Variants in CDH18 observed in about 807,000 individuals in gnomAD.
CDH18 encodes the protein cadherin-18.
A neutral mutation model predicts 67.9 loss-of-function variants in CDH18; 31 were observed. That is an observed-to-expected ratio of 0.46 (90% CI 0.34 to 0.62). CDH18 has a LOEUF of 0.62. Ranked by LOEUF, CDH18 falls within the 20% of genes least tolerant of loss-of-function variation. The pLI, the probability that CDH18 is intolerant of heterozygous loss-of-function variation, is 0.01. For missense variants in CDH18, 890 were observed against 975.5 expected (o/e 0.91, Z 1.17); for synonymous variants, 362 against 347.2 (o/e 1.04, Z -0.48).
rs147992234 is a variant in CDH18 at position 20,184,219 on chromosome 5, G to A, written c.-518+71225C>T. On this transcript the variant is annotated intron_variant, in intron 2 of 14. Transcript: ENST00000507958. ...AGGGCTTTAATAAATATATTTTAAG[G>A]CACAGGCACTGACATCCGAGGTAAA... Among the ~76,000 whole-genome samples the A allele has an allele frequency of 2.0e-5, 3 of 152,030 alleles. No individual in the cohort carries two copies. In the East Asian group the frequency reaches 5.8e-4, roughly 29 times the overall value.
chr5:19,784,573 G>C (rs1337955747), intron 3 of CDH18, among the ~76,000 whole-genome samples: 2 of 151,992 alleles, frequency 1.3e-5, no homozygotes, highest in African/African-American at 2.4e-5. Context: ...TCATTCTTGT[G>C]TACATGTGAT....
At chr5:20,301,183 T>TTTTG (rs890314618) in intron 1 of CDH18, among the ~76,000 whole-genome samples, 3 of 142,678 alleles carry the variant, frequency 2.1e-5, no homozygotes, top group Non-Finnish European at 3.0e-5. Context: ...TTTTTTGTTT[T>TTTTG]TTTGTTTGTT....
At chr5:20,321,472 G>T (rs776349058) in intron 1 of CDH18, among the ~76,000 whole-genome samples, 7 of 151,840 alleles carry the variant, frequency 4.6e-5, no homozygotes, top group African/African-American at 7.3e-5. Flanking sequence ...AAGTCAAGCA[G>T]AAACTTAGGA....
intron 1 of CDH18, among the ~76,000 whole-genome samples, chr5:20,289,088 C>A (rs1746908685): frequency 6.6e-6 from 1 of 151,664 alleles, no homozygotes; most frequent in African/African-American, 2.4e-5. Flanking sequence ...GATTATTGTC[C>A]CAATTAATTA....
intron 2 of CDH18, among the ~76,000 whole-genome samples, chr5:19,997,038 T>G (rs1736073270): frequency 6.6e-6 from 1 of 151,984 alleles, no homozygotes. Flanking sequence ...ATACCATAAA[T>G]TCCATAAGCT....
At chr5:20,209,366 G>T (rs571540976) in intron 2 of CDH18, among the ~76,000 whole-genome samples, 7 of 151,786 alleles carry the variant, frequency 4.6e-5, no homozygotes, top group Non-Finnish European at 8.8e-5. Flanking sequence ...TTTATCAATG[G>T]GGGAATGGAT....
chr5:19,818,437 A>T (rs1779518072), intron 3 of CDH18, among the ~76,000 whole-genome samples: 1 of 152,242 alleles, frequency 6.6e-6, no homozygotes, highest in Non-Finnish European at 1.5e-5. Flanking sequence ...AATGAAAAAT[A>T]GACTAACTAG....
At chr5:19,654,166 CAG>C (rs1375458950) in intron 5 of CDH18, among the ~76,000 whole-genome samples, 2 of 152,094 alleles carry the variant, frequency 1.3e-5, no homozygotes, top group African/African-American at 4.8e-5. Flanking sequence ...AGCCCTGTAA[CAG>C]AGAATTTTAA....
chr5:20,076,743 G>A, intron 2 of CDH18, among the ~76,000 whole-genome samples: 1 of 152,034 alleles, frequency 6.6e-6, no homozygotes. Context: ...TCTGAAAAAG[G>A]TAAATATTTT....
At chr5:20,508,323 TTATATATATATATATATATA>T (rs55885279) in intron 1 of CDH18, among the ~76,000 whole-genome samples, 51,109 of 111,652 alleles carry the variant, frequency 0.46, 11,931 homozygotes, top group Middle Eastern at 0.68. Context: ...ATGACTATGA[TTATATATATATATATATATA>T]TATATATATA....
At chr5:20,154,264 A>C (rs1343623884) in intron 2 of CDH18, among the ~76,000 whole-genome samples, 1 of 152,300 alleles carries the variant, frequency 6.6e-6, no homozygotes, top group East Asian at 1.9e-4. Flanking sequence ...CTTTGTCTTC[A>C]GATGCAAATT....
chr5:19,575,264 G>A (rs1470489591), intron 7 of CDH18, among the ~76,000 whole-genome samples: 1 of 152,146 alleles, frequency 6.6e-6, no homozygotes, highest in African/African-American at 2.4e-5. Context: ...TAGATGTCCT[G>A]TACTTTATTT....
chr5:19,564,182 GTGATGTGCTGGGCTTGGAGCCAGT>G (rs1187070032), intron 8 of CDH18, among the ~76,000 whole-genome samples: 3 of 152,108 alleles, frequency 2.0e-5, no homozygotes, highest in Non-Finnish European at 2.9e-5. Flanking sequence ...GTAAGCCTTG[GTGATGTGCTGGGCTTGGAGCCAGT>G]GGATCTGGAG....
At chr5:19,712,442 G>A (rs1324576036) in intron 5 of CDH18, among the ~76,000 whole-genome samples, 2 of 151,846 alleles carry the variant, frequency 1.3e-5, no homozygotes, top group Admixed American at 1.3e-4. Flanking sequence ...ATGAACAAAA[G>A]GGCTACTGCT....
chr5:20,532,013 G>C (rs1414441323), intron 1 of CDH18, among the ~76,000 whole-genome samples: 1 of 151,992 alleles, frequency 6.6e-6, no homozygotes, highest in African/African-American at 2.4e-5. Context: ...ATGTGTGTAT[G>C]TGTGAATGTA....
chr5:20,003,675 G>A (rs1477944924), intron 2 of CDH18, among the ~76,000 whole-genome samples: 2 of 152,076 alleles, frequency 1.3e-5, no homozygotes, highest in African/African-American at 4.8e-5. Flanking sequence ...TGCGGATCAC[G>A]AGGTCAGGAG....
intron 2 of CDH18, among the ~76,000 whole-genome samples, chr5:20,233,298 T>C (rs1337014060): frequency 1.3e-5 from 2 of 151,510 alleles, no homozygotes; most frequent in Non-Finnish European, 3.0e-5. Context: ...TATTCAGAGG[T>C]TTATGAGTTT....
At chr5:19,523,782 A>G (rs1004930897) in intron 9 of CDH18, among the ~76,000 whole-genome samples, 2 of 152,110 alleles carry the variant, frequency 1.3e-5, no homozygotes, top group Non-Finnish European at 2.9e-5. Flanking sequence ...CCTGATTTAT[A>G]CCTATAGGAA....
upstream of CDH18, among the ~76,000 whole-genome samples, chr5:19,989,520 T>C (rs1799859883): frequency 6.6e-6 from 1 of 152,184 alleles, no homozygotes; most frequent in Non-Finnish European, 1.5e-5. Context: ...CAATCCTCAC[T>C]TTAGCAGGTC....
Sources: allele counts gnomAD v4.1 joint callset (sites outside exome capture counted in the v4.1 genomes callset), GRCh38; gene constraint gnomAD v4.1.1; transcripts MANE v1.5; gene names NCBI Gene and HGNC (gene_info 2026-07-23, HGNC 2026-07-21).